Variants in SMIM14 observed in about 807,000 individuals in gnomAD.
The protein encoded by SMIM14 is chromosome 4 open reading frame 34.
Under a neutral mutation model 12.6 loss-of-function variants are expected in SMIM14, and 5 were observed. The observed-to-expected ratio is 0.40, with a 90% CI of 0.21 to 0.83. The LOEUF is 0.83. Ranked by LOEUF, SMIM14 falls within the 40% of genes least tolerant of loss-of-function variation. The probability of loss-of-function intolerance (pLI) is 0.37; values close to 1 mark genes in which losing one functional copy is unlikely to be tolerated. For synonymous variants in SMIM14, 30 were observed against 40.1 expected (o/e 0.75, Z 0.95); for missense variants, 86 against 119.1 (o/e 0.72, Z 1.29).
At chr4:39,570,225 A>C (rs1051477009) in intron 3 of SMIM14, among the ~76,000 whole-genome samples, 3 of 151,960 alleles carry the variant, frequency 2.0e-5, no homozygotes, top group Non-Finnish European at 4.4e-5. Context: ...CAGTGGTGTG[A>C]TCGCAGCTTA....
rs1390853809 is a variant in SMIM14 at position 39,550,966 on chromosome 4, G to C, written c.*1160C>G. The C allele has an allele frequency of 6.6e-6, 1 of 151,494 alleles. No individual in the cohort carries two copies. The highest frequency in any genetic ancestry group is 1.5e-5 in the Non-Finnish European group (1 of 67,978). The allele number at this position is 151,494 out of a possible 1,614,324, so 9.4% of individuals were successfully genotyped here. A position where few individuals can be genotyped will look rare whatever the true frequency, so the allele number is the denominator to read the frequency against. On this transcript the variant is annotated 3_prime_UTR_variant, in exon 5 of 5. Coordinates refer to ENST00000295958, the MANE Select transcript of SMIM14 (RefSeq NM_174921.3). ...GCTCTATTGCTTAGGCTGGAATGCA[G>C]TGGTGCGATCTTGGTTCACTGCAAC...
rs139388860 is a variant in SMIM14, at chr4:39,561,826, T to C, written c.125-5256A>G. ...GGTGCACACCTGTAATCCCAGCTAC[T>C]TGGGGGGTTGTAGCGGAAAAATTGC... On this transcript the variant is annotated intron_variant, in intron 3 of 4. Coordinates refer to ENST00000295958, the MANE Select transcript of SMIM14 (RefSeq NM_174921.3). Among the ~76,000 whole-genome samples the C allele has an allele frequency of 1.1e-4, 16 of 152,120 alleles. No individual in the cohort carries two copies. In the East Asian group the frequency reaches 2.9e-3, roughly 28 times the overall value.
At chr4:39,611,950 T>C (rs1291459565) in intron 1 of SMIM14, 2 of 152,092 alleles carry the variant, frequency 1.3e-5, no homozygotes, top group Non-Finnish European at 2.9e-5. Context: ...TCTAATATCC[T>C]TCTAGATCTG....
At chr4:39,559,809 G>T (rs1712204656) in intron 3 of SMIM14, among the ~76,000 whole-genome samples, 1 of 152,052 alleles carries the variant, frequency 6.6e-6, no homozygotes, top group Admixed American at 6.6e-5. Context: ...TCCAAACCCA[G>T]TCACTTCCCT....
intron 1 of SMIM14, chr4:39,638,354 G>A (rs950064050): frequency 6.9e-6 from 4 of 576,460 alleles, no homozygotes; most frequent in Non-Finnish European, 6.6e-6. Context: ...CGGTAAACAA[G>A]ATAGTGTGGA....
At chr4:39,636,083 G>T (rs1716074425) in intron 1 of SMIM14, among the ~76,000 whole-genome samples, 1 of 147,072 alleles carries the variant, frequency 6.8e-6, no homozygotes, top group African/African-American at 2.5e-5. Context: ...TAAGGCTGGA[G>T]AATCACTTGA....
intron 2 of SMIM14, among the ~76,000 whole-genome samples, chr4:39,573,542 T>C (rs1283471176): frequency 6.6e-6 from 1 of 152,188 alleles, no homozygotes; most frequent in Non-Finnish European, 1.5e-5. Flanking sequence ...AACTGACCCA[T>C]TTCATTAAAT....
At chr4:39,569,912 G>A (rs1490875490) in intron 3 of SMIM14, among the ~76,000 whole-genome samples, 2 of 152,092 alleles carry the variant, frequency 1.3e-5, no homozygotes, top group African/African-American at 2.4e-5. Flanking sequence ...CACCAGAGGA[G>A]TCTATAAACA....
intron 1 of SMIM14, among the ~76,000 whole-genome samples, chr4:39,615,583 C>G (rs1715189534): frequency 6.6e-6 from 1 of 152,216 alleles, no homozygotes; most frequent in Middle Eastern, 3.4e-3. Flanking sequence ...GTTTAACACT[C>G]TGGTGTCGGA....
chr4:39,567,856 G>C (rs1712660100), intron 3 of SMIM14, among the ~76,000 whole-genome samples: 2 of 152,184 alleles, frequency 1.3e-5, no homozygotes, highest in African/African-American at 4.8e-5. Flanking sequence ...AGTGAGCCCT[G>C]TTTGCTCCAC....
At chr4:39,563,327 G>T (rs28714120) in intron 3 of SMIM14, among the ~76,000 whole-genome samples, 2,367 of 152,240 alleles carry the variant, frequency 0.016, 50 homozygotes, top group African/African-American at 0.054. Context: ...CTCCCAAAGT[G>T]ATGGGATTAC....
At chr4:39,621,997 A>G (rs752152109) in intron 1 of SMIM14, among the ~76,000 whole-genome samples, 2 of 151,686 alleles carry the variant, frequency 1.3e-5, no homozygotes, top group Non-Finnish European at 2.9e-5. Context: ...TTCTTTCTTA[A>G]TAATATGGAG....
chr4:39,620,395 C>A (rs1005147562), intron 1 of SMIM14, among the ~76,000 whole-genome samples: 1 of 151,964 alleles, frequency 6.6e-6, no homozygotes, highest in African/African-American at 2.4e-5. Flanking sequence ...AGGAGAATGG[C>A]GTGAACCTGG....
intron 1 of SMIM14, among the ~76,000 whole-genome samples, chr4:39,631,125 A>C (rs1023583361): frequency 1.3e-5 from 2 of 152,126 alleles, no homozygotes; most frequent in South Asian, 4.2e-4. Context: ...TGAGGTCAGG[A>C]GTTCGACACC....
intron 2 of SMIM14, among the ~76,000 whole-genome samples, chr4:39,596,261 A>G (rs1287207357): frequency 1.3e-5 from 2 of 151,916 alleles, no homozygotes; most frequent in Non-Finnish European, 2.9e-5. Flanking sequence ...ACGCCTGGCT[A>G]ATTTTGCATT....
At chr4:39,637,683 C>T (rs1716149401) in intron 1 of SMIM14, among the ~76,000 whole-genome samples, 2 of 152,100 alleles carry the variant, frequency 1.3e-5, no homozygotes. Context: ...AAGTTCGGAG[C>T]AGGCTACACT....
chr4:39,570,449 G>A (rs1015780796), intron 3 of SMIM14, among the ~76,000 whole-genome samples: 9 of 151,948 alleles, frequency 5.9e-5, no homozygotes, highest in African/African-American at 2.2e-4. Context: ...GTGAGCCACC[G>A]TGCCCGGCAA....
intron 3 of SMIM14, among the ~76,000 whole-genome samples, chr4:39,557,923 AAGG>A (rs1304765023): frequency 6.6e-6 from 1 of 152,098 alleles, no homozygotes; most frequent in African/African-American, 2.4e-5. Context: ...TTTTCACACA[AAGG>A]AGTTGAATTC....
intron 1 of SMIM14, among the ~76,000 whole-genome samples, chr4:39,636,206 C>T (rs977385): frequency 0.49 from 70,442 of 142,764 alleles, 17,735 homozygotes; most frequent in East Asian, 0.58. Flanking sequence ...AAAAGTGTGA[C>T]GTGTAAAGTT....
Sources: allele counts gnomAD v4.1 joint callset (sites outside exome capture counted in the v4.1 genomes callset), GRCh38; gene constraint gnomAD v4.1.1; transcripts MANE v1.5; gene names NCBI Gene and HGNC (gene_info 2026-07-23, HGNC 2026-07-21).